AK8: variants seen among roughly 807,000 people sequenced by gnomAD.
The protein encoded by AK8 is adenylate kinase 8, also known as ATP-AMP transphosphorylase 8.
Under a neutral mutation model 54.6 loss-of-function variants are expected in AK8, and 44 were observed. That is an observed-to-expected ratio of 0.81 (90% CI 0.63 to 1.04). The LOEUF (loss-of-function observed/expected upper bound fraction) is 1.04. Ranked by LOEUF, AK8 falls within the 50% of genes least tolerant of loss-of-function variation. AK8 has a pLI of 0.00. For synonymous variants in AK8, 239 were observed against 245.6 expected (o/e 0.97, Z 0.25); for missense variants, 555 against 613.6 (o/e 0.90, Z 1.01).
rs578003731 is a variant in AK8, at chr9:132,789,597, C to CAAA, written c.1121+3034_1121+3036dup. Among the ~76,000 whole-genome samples, 458 of 57,240 alleles carry CAAA rather than the reference C, an allele frequency of 8.0e-3. 3 individuals are homozygous for CAAA. The highest frequency in any genetic ancestry group is 0.021 in the Middle Eastern group (1 of 48). 37.6% of individuals were successfully genotyped at this position (57,240 alleles called of 152,430 possible). A position where few individuals can be genotyped will look rare whatever the true frequency, so the allele number is the denominator to read the frequency against. ...GGGCGACAGAGTGATACTCATCTCACAAAAAAAAAAAAAAAAAAAAAAAAA... is the reference window on the plus strand; with the variant it reads ...GGGCGACAGAGTGATACTCATCTCACAAAAAAAAAAAAAAAAAAAAAAAAAAAA... On this transcript the variant is annotated intron_variant, in intron 11 of 12. Transcript: ENST00000298545.
intron 2 of AK8, among the ~76,000 whole-genome samples, chr9:132,873,373 G>C (rs887972339): frequency 2.6e-5 from 4 of 152,050 alleles, no homozygotes; most frequent in African/African-American, 4.8e-5. Context: ...AGAGAGCCAC[G>C]ATCTCTCACG....
At chr9:132,846,583 G>A (rs142499492) in intron 5 of AK8, among the ~76,000 whole-genome samples, 36 of 152,330 alleles carry the variant, frequency 2.4e-4, no homozygotes, top group Non-Finnish European at 3.5e-4. Context: ...CTGGGGAGCC[G>A]GGTAGGCCAA....
Position 132,814,647 on chromosome 9 carries a change from C to G in AK8, c.970G>C (p.Glu324Gln). 1 of 1,613,994 alleles carries G rather than the reference C, an allele frequency of 6.2e-7. No individual in the cohort carries two copies. Among genetic ancestry groups the G allele is most frequent in the Admixed American group, 1.7e-5 (1 of 59,996 alleles). ...GELIQPFFEK[E>Q]MAVPDSLLMK... ...TGGGAACGTGGCCTACCTGCCATCT[C>G]CTTTTCAAAGAAGGGCTGGATGAGC... is the stretch of plus-strand genomic sequence containing the variant. Residue 324 changes from glutamate to glutamine, a missense_variant, in exon 10 of 13, where the codon GAG (glutamate) becomes CAG (glutamine). Physicochemically the swap from Glu to Gln is conservative, Grantham distance 29. Coordinates refer to ENST00000298545, the MANE Select transcript of AK8 (RefSeq NM_152572.3).
At chr9:132,815,373 G>C (rs1000954766) in intron 9 of AK8, among the ~76,000 whole-genome samples, 2 of 152,124 alleles carry the variant, frequency 1.3e-5, no homozygotes. Flanking sequence ...GGCCAACATG[G>C]TGAAAATCCG....
At chr9:132,726,166 G>A (rs186117135) in intron 12 of AK8, among the ~76,000 whole-genome samples, 4 of 152,110 alleles carry the variant, frequency 2.6e-5, no homozygotes, top group Admixed American at 2.6e-4. Flanking sequence ...TAGGAGGACA[G>A]AATACAATCA....
rs150652025 is a variant in AK8 at position 132,806,426 on chromosome 9, TAG to T, written c.979+8210_979+8211del. On this transcript the variant is annotated intron_variant, in intron 10 of 12. Transcript: ENST00000298545. Reference sequence around the variant, plus strand: ...TCTATTAATCAACTTGTAAATTATTTAGAGAGTCATGCGCTGTCTTCAGCGAG... The same window carrying T: ...TCTATTAATCAACTTGTAAATTATTTAGAGTCATGCGCTGTCTTCAGCGAG... Among the ~76,000 whole-genome samples, 691 of 152,304 alleles carry T rather than the reference TAG, an allele frequency of 4.5e-3. 5 individuals are homozygous for T. Among genetic ancestry groups the T allele is most frequent in the African/African-American group, 0.015 (625 of 41,558 alleles).
chr9:132,809,042 G>T (rs1217205906), intron 10 of AK8, among the ~76,000 whole-genome samples: 1 of 152,214 alleles, frequency 6.6e-6, no homozygotes, highest in Non-Finnish European at 1.5e-5. Context: ...ATGGCGATGA[G>T]GTCTCCATGT....
chr9:132,799,716 C>G lies in AK8; in HGVS notation c.980-6941G>C, dbSNP rs1840353576. Among the ~76,000 whole-genome samples the G allele has an allele frequency of 6.6e-6, 1 of 152,160 alleles. No homozygotes were observed. The highest frequency in any genetic ancestry group is 3.2e-3 in the Middle Eastern group (1 of 316). ...GAAGCACACACCCTCATTACACAAA[C>G]ACATCTAGCAAACACACCTACATAC... On this transcript the variant is annotated intron_variant, in intron 10 of 12. Transcript: ENST00000298545. The surrounding 1 kb of genome is among the most constrained non-coding windows in gnomAD (Gnocchi z 5.0).
intron 1 of AK8, among the ~76,000 whole-genome samples, chr9:132,877,134 G>C (rs912699478): frequency 2.1e-4 from 32 of 152,206 alleles, no homozygotes; most frequent in African/African-American, 7.5e-4. Flanking sequence ...AGGTTCTCTA[G>C]AGCAGACAAC....
In AK8 at chr9:132,824,263, C is replaced by A. The variant is rs905700816; in HGVS notation, c.758-927G>T. 3.9e-5 allele frequency among the ~76,000 whole-genome samples: 6 copies of A among 152,352 alleles called. 1 individual carries two copies. The highest frequency in any genetic ancestry group is 1.9e-4 in the East Asian group (1 of 5,182). On this transcript the variant is annotated intron_variant, in intron 8 of 12. Coordinates refer to ENST00000298545, the MANE Select transcript of AK8 (RefSeq NM_152572.3). Reference sequence around the variant, plus strand: ...AGGCACGGACCTGTGCCAGCCCCCACCCCAGCGTTCAAAACAGGGCATCCT... The same window carrying A: ...AGGCACGGACCTGTGCCAGCCCCCAACCCAGCGTTCAAAACAGGGCATCCT...
intron 10 of AK8, among the ~76,000 whole-genome samples, chr9:132,795,613 A>G (rs1462535000): frequency 6.6e-6 from 1 of 152,234 alleles, no homozygotes; most frequent in Non-Finnish European, 1.5e-5. Context: ...CGATTCACCC[A>G]GTGGGTAGTT....
In AK8 at chr9:132,792,653, G is replaced by C; in HGVS notation, c.1102C>G (p.Leu368Val). 1 of 1,554,178 alleles carries C rather than the reference G, an allele frequency of 6.4e-7. No homozygotes were observed. The highest frequency in any genetic ancestry group is 8.7e-7 in the Non-Finnish European group (1 of 1,149,426). ...DLDQAHLLNRLGYNPNRVFFL... is the reference protein window; with the variant it reads ...DLDQAHLLNRVGYNPNRVFFL... ...GCTCACCTGTTGGGATTGTAGCCCA[G>C]GCGGTTCAGCAGGTGTGCCTGGTCG... is the stretch of plus-strand genomic sequence containing the variant. Residue 368 changes from leucine to valine, a missense_variant, in exon 11 of 13, where the codon CTG becomes GTG. Physicochemically the swap from Leu to Val is conservative, Grantham distance 32 (BLOSUM62 1). Transcript: ENST00000298545.
At chr9:132,869,502 C>T (rs945577089) in intron 2 of AK8, among the ~76,000 whole-genome samples, 5 of 152,208 alleles carry the variant, frequency 3.3e-5, no homozygotes, top group African/African-American at 1.2e-4. Context: ...ACTCTGGACT[C>T]GCCTGGCAGG....
intron 10 of AK8, 118 bp from the exon 11 acceptor site, chr9:132,792,893 C>T (rs1056147883): frequency 8.0e-5 from 98 of 1,230,372 alleles, no homozygotes; most frequent in Non-Finnish European, 1.1e-4. Flanking sequence ...GGTGGAGCCA[C>T]TTGGAACCAC....
chr9:132,764,865 C>G (rs202050594), intron 11 of AK8, among the ~76,000 whole-genome samples: 3,136 of 152,138 alleles, frequency 0.021, 107 homozygotes, highest in African/African-American at 0.072. Flanking sequence ...TCTATGAGGC[C>G]AGCATTACTC....
At chr9:132,806,904 A>C (rs1840750212) in intron 10 of AK8, among the ~76,000 whole-genome samples, 1 of 151,956 alleles carries the variant, frequency 6.6e-6, no homozygotes, top group Non-Finnish European at 1.5e-5. Flanking sequence ...AACTCTCTCA[A>C]ATCTCCCGCC....
chr9:132,766,322 CA>C (rs1838723753), intron 11 of AK8, among the ~76,000 whole-genome samples: 1 of 152,140 alleles, frequency 6.6e-6, no homozygotes, highest in Non-Finnish European at 1.5e-5. Flanking sequence ...CTGTGTTGCC[CA>C]GACTGGTCTC....
intron 7 of AK8, chr9:132,827,335 G>C: frequency 2.0e-6 from 1 of 498,360 alleles, no homozygotes. Context: ...ATAGGCACCT[G>C]CAGACTCCCA....
In AK8 at chr9:132,793,427, C is replaced by T. The variant is rs1031369610; in HGVS notation, c.980-652G>A. Among the ~76,000 whole-genome samples the T allele has an allele frequency of 3.9e-5, 6 of 152,294 alleles. No homozygotes were observed. In the East Asian group the frequency reaches 7.7e-4, roughly 20 times the overall value. On this transcript the variant is annotated intron_variant, in intron 10 of 12. Transcript: ENST00000298545. ...TTGCAGCAAACACTTTTCCTGGAAG[C>T]GCACCAGCTCCAGCTGCAGTTTCAG... is the stretch of plus-strand genomic sequence containing the variant.
Sources: allele counts gnomAD v4.1 joint callset (sites outside exome capture counted in the v4.1 genomes callset), GRCh38; gene constraint gnomAD v4.1.1; non-coding constraint Gnocchi (gnomAD v3.1); transcripts MANE v1.5; gene names NCBI Gene and HGNC (gene_info 2026-07-23, HGNC 2026-07-21).